Variants in DSCAML1 observed in about 807,000 individuals in gnomAD.
The protein encoded by DSCAML1 is DS cell adhesion molecule like 1.
Under a neutral mutation model 200.5 loss-of-function variants are expected in DSCAML1, and 38 were observed. The observed-to-expected ratio is 0.19, with a 90% CI of 0.15 to 0.25. The LOEUF is 0.25. Among genes scored for constraint, DSCAML1 ranks in the 10% least tolerant of loss-of-function variants. DSCAML1 has a pLI of 1.00. For synonymous variants in DSCAML1, 1,215 were observed against 1,165.0 expected, an observed-to-expected ratio of 1.04 and a Z score of -0.87; for missense variants, 2,223 against 2,858.8, an observed-to-expected ratio of 0.78 and a Z score of 5.07.
In DSCAML1 at chr11:117,583,349, T is replaced by C. The variant is rs947943035; in HGVS notation, c.512-50827A>G. 2.6e-5 allele frequency among the ~76,000 whole-genome samples: 4 copies of C among 152,230 alleles called. No homozygotes were observed. The East Asian group carries it at 7.7e-4, about 29-fold the overall frequency. On this transcript the variant is annotated intron_variant, in intron 3 of 32. Coordinates refer to ENST00000651296, the MANE Select transcript of DSCAML1 (RefSeq NM_020693.4). ...CTTGTACCCCTCTGCTCAAGATCCT[T>C]CCTCAGCTCCCCTTCACCTATAGAA... is the stretch of plus-strand genomic sequence containing the variant.
rs575199944 is a variant in DSCAML1, at chr11:117,683,820, G to A, written c.511+92971C>T. ...GTGTCCTTAAAACTCCTGGCTCATA[G>A]GCAGTATGGAATAAATGTTAGCTGT... On this transcript the variant is annotated intron_variant, in intron 3 of 32. Coordinates refer to ENST00000651296, the MANE Select transcript of DSCAML1 (RefSeq NM_020693.4). Among the ~76,000 whole-genome samples the A allele has an allele frequency of 3.9e-5, 6 of 152,268 alleles. No individual in the cohort carries two copies. In the East Asian group the frequency reaches 1.2e-3, roughly 29 times the overall value.
chr11:117,491,383 GATAA>G (rs1225787139), intron 11 of DSCAML1, among the ~76,000 whole-genome samples: 2 of 152,238 alleles, frequency 1.3e-5, no homozygotes, highest in African/African-American at 4.8e-5. Context: ...CTGAGGCTGA[GATAA>G]ATAAATTGCC....
At chr11:117,652,594 G>A (rs570015513) in intron 3 of DSCAML1, among the ~76,000 whole-genome samples, 25 of 152,366 alleles carry the variant, frequency 1.6e-4, no homozygotes, top group African/African-American at 6.0e-4. Context: ...AGAAGAGGTA[G>A]AGGAGAGATG....
At chr11:117,500,422 T>C (rs2049373306) in intron 11 of DSCAML1, among the ~76,000 whole-genome samples, 1 of 152,272 alleles carries the variant, frequency 6.6e-6, no homozygotes, top group African/African-American at 2.4e-5. Context: ...CTAAAACTAA[T>C]GACTGCTAGT....
At chr11:117,742,376 T>TAA (rs1371719273) in intron 3 of DSCAML1, among the ~76,000 whole-genome samples, 2 of 152,184 alleles carry the variant, frequency 1.3e-5, no homozygotes, top group East Asian at 3.8e-4. Context: ...AATCCCTAGG[T>TAA]TGAGCCAGAG....
intron 3 of DSCAML1, among the ~76,000 whole-genome samples, chr11:117,606,649 C>T (rs536277059): frequency 3.0e-4 from 45 of 152,238 alleles, no homozygotes; most frequent in Non-Finnish European, 5.7e-4. Flanking sequence ...TCCACCCCGG[C>T]ACCCAGACTC....
At chr11:117,468,783 T>G (rs2048631803) in intron 16 of DSCAML1, among the ~76,000 whole-genome samples, 4 of 152,158 alleles carry the variant, frequency 2.6e-5, no homozygotes, top group Admixed American at 2.6e-4. Flanking sequence ...TGAGTGTGAG[T>G]GTGCGTGCAC....
intron 8 of DSCAML1, among the ~76,000 whole-genome samples, chr11:117,507,504 G>A (rs944460469): frequency 2.0e-5 from 3 of 152,212 alleles, no homozygotes; most frequent in Non-Finnish European, 4.4e-5. Context: ...TGGATCCTGG[G>A]AGAGTTCTTG....
At chr11:117,670,851 T>G (rs1474180520) in intron 3 of DSCAML1, among the ~76,000 whole-genome samples, 1 of 152,142 alleles carries the variant, frequency 6.6e-6, no homozygotes, top group African/African-American at 2.4e-5. Flanking sequence ...ATTTTGCTGA[T>G]GTTGACAGTG....
chr11:117,475,761 G>A (rs781368785), intron 14 of DSCAML1, among the ~76,000 whole-genome samples: 2 of 152,174 alleles, frequency 1.3e-5, no homozygotes, highest in Non-Finnish European at 2.9e-5. Context: ...CAGGAAGGTT[G>A]GGCGGGGGAG....
At chr11:117,483,148 G>A (rs1241070098) in intron 11 of DSCAML1, among the ~76,000 whole-genome samples, 3 of 152,222 alleles carry the variant, frequency 2.0e-5, no homozygotes, top group Non-Finnish European at 2.9e-5. Context: ...AAGGGGCAGG[G>A]GAAAAATGGT....
chr11:117,749,071 C>G (rs1169908864), intron 3 of DSCAML1, among the ~76,000 whole-genome samples: 2 of 152,210 alleles, frequency 1.3e-5, no homozygotes, highest in Non-Finnish European at 2.9e-5. Context: ...CCTTGACTTT[C>G]TCTTGTGCAG....
intron 3 of DSCAML1, among the ~76,000 whole-genome samples, chr11:117,679,897 C>T (rs935311868): frequency 1.3e-5 from 2 of 151,780 alleles, no homozygotes; most frequent in African/African-American, 4.9e-5. Flanking sequence ...TGAGACCCTC[C>T]TCTCCATGAC....
chr11:117,534,595 C>T (rs914568846), intron 3 of DSCAML1, among the ~76,000 whole-genome samples: 28 of 152,098 alleles, frequency 1.8e-4, no homozygotes, highest in African/African-American at 6.5e-4. Flanking sequence ...GGGTTAACAG[C>T]CTTAGGATTT....
intron 11 of DSCAML1, among the ~76,000 whole-genome samples, chr11:117,495,928 A>C (rs1158358005): frequency 2.0e-5 from 3 of 152,012 alleles, no homozygotes. Context: ...TCAGAACCAT[A>C]CTTCCCATTC....
intron 3 of DSCAML1, among the ~76,000 whole-genome samples, chr11:117,557,540 A>AAAAC (rs2050581555): frequency 1.3e-5 from 2 of 152,212 alleles, no homozygotes; most frequent in South Asian, 2.1e-4. Context: ...ATCTGAGCAG[A>AAAAC]AAACAAGGGA....
chr11:117,788,261 C>T (rs2055397282), intron 1 of DSCAML1, among the ~76,000 whole-genome samples: 1 of 152,236 alleles, frequency 6.6e-6, no homozygotes, highest in East Asian at 1.9e-4. Context: ...CTACCTTCCC[C>T]ATCACAGTGC....
chr11:117,438,836 G>T, intron 24 of DSCAML1, 49 bp downstream of exon 24: 1 of 1,447,200 alleles, frequency 6.9e-7, no homozygotes. Context: ...CCTGCCCCGG[G>T]CCCAGAATTC....
intron 3 of DSCAML1, among the ~76,000 whole-genome samples, chr11:117,664,009 T>C (rs1030836457): frequency 1.3e-5 from 2 of 152,152 alleles, no homozygotes; most frequent in African/African-American, 4.8e-5. Flanking sequence ...TCACCAAACA[T>C]TGGAGACACA....
Sources: allele counts gnomAD v4.1 joint callset (sites outside exome capture counted in the v4.1 genomes callset), GRCh38; gene constraint gnomAD v4.1.1; transcripts MANE v1.5; gene names NCBI Gene and HGNC (gene_info 2026-07-23, HGNC 2026-07-21).